The following GALNT9 variants were observed in gnomAD, a reference collection of about 807,000 sequenced individuals.
The protein encoded by GALNT9 is GalNAc transferase 9.
Under a neutral mutation model 63.1 loss-of-function variants are expected in GALNT9, and 47 were observed. That is an observed-to-expected ratio of 0.75 (90% confidence interval 0.59 to 0.95). The LOEUF is 0.95. Among genes scored for constraint, GALNT9 ranks in the 40% least tolerant of loss-of-function variants. GALNT9 has a pLI of 0.00. For missense variants in GALNT9, 829 were observed against 874.8 expected (o/e 0.95, Z 0.66); for synonymous variants, 396 against 365.7 (o/e 1.08, Z -0.94).
intron 1 of GALNT9, among the ~76,000 whole-genome samples, chr12:132,295,449 C>T (rs77777907): frequency 0.022 from 3,291 of 151,416 alleles, 40 homozygotes; most frequent in Middle Eastern, 0.092. Flanking sequence ...TATCTGGAAA[C>T]GGTCTTCGCT....
At chr12:132,309,302 A>G (rs535710107) in intron 1 of GALNT9, among the ~76,000 whole-genome samples, 3 of 152,122 alleles carry the variant, frequency 2.0e-5, no homozygotes, top group East Asian at 1.9e-4. Flanking sequence ...CCCACGGCTG[A>G]CTGGCCCCAC....
At chr12:132,198,891 T>TC (rs774812944) in intron 9 of GALNT9, among the ~76,000 whole-genome samples, 5 of 152,140 alleles carry the variant, frequency 3.3e-5, no homozygotes, top group Non-Finnish European at 5.9e-5. Context: ...GCTTAAGTGA[T>TC]CTGTCTGCCT....
At position 132,238,313 on chromosome 12, in the gene GALNT9, G is replaced by T. The variant is rs1356582240; in HGVS notation, c.1077+9597C>A. On this transcript the variant is annotated intron_variant, in intron 6 of 10. Transcript: ENST00000328957. The surrounding 1 kb of genome is among the most constrained non-coding windows in gnomAD (Gnocchi z 6.5). ...GACTCCCCTTTGCAGGTAGCTCTGG[G>T]GTCACTGGCGAGGGGGACAGAGCTG... Among the ~76,000 whole-genome samples, 1 of 152,036 alleles carries T rather than the reference G, an allele frequency of 6.6e-6. No individual in the cohort carries two copies. Among genetic ancestry groups the T allele is most frequent in the Non-Finnish European group, 1.5e-5 (1 of 67,998 alleles).
At chr12:132,220,380 C>T (rs1321417066) in intron 6 of GALNT9, among the ~76,000 whole-genome samples, 3 of 152,008 alleles carry the variant, frequency 2.0e-5, no homozygotes, top group Non-Finnish European at 2.9e-5. Context: ...GGTCTTAGGA[C>T]GACTGTTAGA....
At chr12:132,311,380 C>T (rs1372235401) in intron 1 of GALNT9, among the ~76,000 whole-genome samples, 2 of 152,124 alleles carry the variant, frequency 1.3e-5, no homozygotes, top group Non-Finnish European at 2.9e-5. Context: ...GGCCTGAACT[C>T]GGCGTTAGAG....
intron 5 of GALNT9, among the ~76,000 whole-genome samples, chr12:132,254,958 A>T (rs1229940796): frequency 6.6e-6 from 1 of 152,246 alleles, no homozygotes; most frequent in Non-Finnish European, 1.5e-5. Flanking sequence ...ATGACTGAGT[A>T]AGAATTGGGG....
rs1555239714 is a variant in GALNT9 at position 132,261,018 on chromosome 12, G to A, written c.691C>T (p.Gln231Ter). Residue 231 changes from glutamine (Q) to a stop codon, truncating the protein, a stop_gained, in exon 4 of 11, where the codon CAG (glutamine) becomes TAG (stop). Coordinates refer to ENST00000328957, the MANE Select transcript of GALNT9 (RefSeq NM_001122636.2). LOFTEE classifies it high-confidence loss of function. ...RREGLIRARL[Q>*]GWKAATAPVV... is the part of the protein sequence containing the mutation. The stretch of plus-strand genomic sequence containing the variant: ...GGGGCGGTGGCCGCCTTCCAGCCCT[G>A]CAGCCGCGCGCGGATCAGTCCTTCC... 1.3e-6 allele frequency: 2 copies of A among 1,550,182 alleles called. No homozygotes were observed. The highest frequency in any genetic ancestry group is 1.7e-4 in the Middle Eastern group (1 of 6,012).
rs201724771 is a variant in GALNT9, at chr12:132,197,904, G to A, written c.1553C>T (p.Ala518Val). 2.9e-4 allele frequency: 472 copies of A among 1,611,696 alleles called. 5 individuals carry two copies. In the Middle Eastern group the frequency reaches 8.9e-3, roughly 30 times the overall value. ...LLQLGPLGST[A>V]FLPDSKCLVD... Reference sequence around the variant, plus strand: ...CAGACACTTGGAGTCAGGCAAGAAGGCTGTGGAGCCCAGAGGCCCCAGCTG... The same window carrying A: ...CAGACACTTGGAGTCAGGCAAGAAGACTGTGGAGCCCAGAGGCCCCAGCTG... The change falls in exon 10 of 11, where the codon GCC becomes GTC. Residue 518 changes from alanine (A) to valine (V), a missense_variant. Ala to Val is a moderately conservative substitution (Grantham distance 64). Coordinates refer to ENST00000328957, the MANE Select transcript of GALNT9 (RefSeq NM_001122636.2).
intron 6 of GALNT9, among the ~76,000 whole-genome samples, chr12:132,230,013 C>T (rs1877832527): frequency 6.6e-6 from 1 of 152,192 alleles, no homozygotes; most frequent in Admixed American, 6.5e-5. Flanking sequence ...GACCTGGGTC[C>T]CGGTGCCGCC....
rs978938331 is a variant in GALNT9, at chr12:132,316,258, G to C, written c.238+12708C>G. ...TGCCCCGGGCCCCGACCTGCAAAGG[G>C]GGGTGCCATGATTCTCTACCATACA... On this transcript the variant is annotated intron_variant, in intron 1 of 10. Transcript: ENST00000328957. This position sits in a 1 kb window ranked among gnomAD's most constrained non-coding sequence, Gnocchi z 4.3. Among the ~76,000 whole-genome samples, 4 of 152,066 alleles carry C rather than the reference G, an allele frequency of 2.6e-5. No individual in the cohort carries two copies. The highest frequency in any genetic ancestry group is 4.4e-5 in the Non-Finnish European group (3 of 68,008).
chr12:132,308,730 A>G (rs532961843), intron 1 of GALNT9, among the ~76,000 whole-genome samples: 31 of 152,240 alleles, frequency 2.0e-4, no homozygotes, highest in African/African-American at 6.3e-4. Flanking sequence ...TGCTGTCCCC[A>G]TTGCATAGAC....
Position 132,295,779 on chromosome 12 carries a change from C to T in GALNT9, c.239-9349G>A, listed in dbSNP as rs191030276. On this transcript the variant is annotated intron_variant, in intron 1 of 10. Coordinates refer to ENST00000328957, the MANE Select transcript of GALNT9 (RefSeq NM_001122636.2). ...CCTCCGAACAGCGAGAGCTTCCGAA[C>T]AGGGACAGCCTCTGAACAGGGACGG... is the stretch of plus-strand genomic sequence containing the variant. Among the ~76,000 whole-genome samples, 343 of 151,726 alleles carry T rather than the reference C, an allele frequency of 2.3e-3. 2 individuals are homozygous for T. Among genetic ancestry groups the T allele is most frequent in the African/African-American group, 8.1e-3 (332 of 41,144 alleles).
chr12:132,222,899 C>CCCCACACAA (rs1241425799), intron 6 of GALNT9, among the ~76,000 whole-genome samples: 91,338 of 98,294 alleles, frequency 0.93, 43,033 homozygotes, highest in East Asian at 0.96. Flanking sequence ...ACAACCCGCA[C>CCCCACACAA]CCCACACCCC....
At chr12:132,271,509 C>T (rs1362001128) in intron 2 of GALNT9, among the ~76,000 whole-genome samples, 4 of 152,212 alleles carry the variant, frequency 2.6e-5, no homozygotes, top group Non-Finnish European at 5.9e-5. Context: ...AGCCTCCCTC[C>T]GACGCCCACC....
intron 6 of GALNT9, among the ~76,000 whole-genome samples, chr12:132,244,091 C>T (rs1878598653): frequency 1.3e-5 from 2 of 149,642 alleles, no homozygotes; most frequent in South Asian, 2.2e-4. Context: ...GGCCTCGGGC[C>T]GGCCACTCGG....
intron 1 of GALNT9, among the ~76,000 whole-genome samples, chr12:132,322,858 G>C (rs1555246258): frequency 6.6e-6 from 1 of 152,232 alleles, no homozygotes; most frequent in Non-Finnish European, 1.5e-5. Context: ...GGCAGCTAGA[G>C]GGGGGACTGT....
chr12:132,250,873 G>A (rs911415971), intron 5 of GALNT9, among the ~76,000 whole-genome samples: 1 of 152,212 alleles, frequency 6.6e-6, no homozygotes, highest in Non-Finnish European at 1.5e-5. Flanking sequence ...GGGTGGAGTC[G>A]GGACCCACAT....
intron 6 of GALNT9, among the ~76,000 whole-genome samples, chr12:132,230,900 C>A (rs1357481518): frequency 6.6e-6 from 1 of 152,240 alleles, no homozygotes; most frequent in African/African-American, 2.4e-5. Context: ...TTCGGGACGT[C>A]TTGGTGAGAC....
chr12:132,235,306 G>C (rs1044146040), intron 6 of GALNT9, among the ~76,000 whole-genome samples: 1 of 152,056 alleles, frequency 6.6e-6, no homozygotes, highest in African/African-American at 2.4e-5. Context: ...CGCTGTGCAC[G>C]GTGTGGTCAT....
Sources: allele counts gnomAD v4.1 joint callset (sites outside exome capture counted in the v4.1 genomes callset), GRCh38; gene constraint gnomAD v4.1.1; non-coding constraint Gnocchi (gnomAD v3.1); transcripts MANE v1.5; gene names NCBI Gene and HGNC (gene_info 2026-07-23, HGNC 2026-07-21).